Variants in TTC8 observed in about 807,000 individuals in gnomAD.
The protein encoded by TTC8 is tetratricopeptide repeat domain 8.
A neutral mutation model predicts 72.5 loss-of-function variants in TTC8; 47 were observed. The ratio of observed to expected loss-of-function variants is 0.65; its 90% CI spans 0.51 to 0.83. The LOEUF is 0.83. TTC8 is among the 40% of genes least tolerant of loss of function. The pLI is 0.00. For missense variants in TTC8, 611 were observed against 623.2 expected (o/e 0.98, Z 0.21); for synonymous variants, 199 against 221.4 (o/e 0.90, Z 0.90).
Position 88,871,476 on chromosome 14 carries a change from A to AATATAT in TTC8, c.1050-64_1050-59dup, listed in dbSNP as rs10659725. 3 of 1,276,126 alleles carry AATATAT rather than the reference A, an allele frequency of 2.4e-6. No individual in the cohort carries two copies. In the African/African-American group the frequency reaches 4.6e-5, roughly 20 times the overall value. The allele number at this position is 1,276,126 out of a possible 1,614,324, so 79.1% of individuals were successfully genotyped here. A position where few individuals can be genotyped will look rare whatever the true frequency, so the allele number is the denominator to read the frequency against. ...GATGAATTCATTTTTAACTGTGTAA[A>AATATAT]ATATATATATATATGTCTTAAAACT... On this transcript the variant is annotated intron_variant, in intron 11 of 14. Transcript: ENST00000380656. The surrounding 1 kb of genome is among the most constrained non-coding windows in gnomAD (Gnocchi z 4.1).
chr14:88,825,585 C>CA (rs2094695727), intron 1 of TTC8, among the ~76,000 whole-genome samples: 1 of 151,960 alleles, frequency 6.6e-6, no homozygotes. Context: ...CTGGAATAGG[C>CA]AAAAAAGGAG....
At chr14:88,836,106 C>T (rs936240729) in intron 2 of TTC8, among the ~76,000 whole-genome samples, 1 of 152,024 alleles carries the variant, frequency 6.6e-6, no homozygotes, top group Non-Finnish European at 1.5e-5. Context: ...AAATTCATAC[C>T]ATTGTTTCTT....
In TTC8 at chr14:88,836,442, G is replaced by A. The variant is rs573022482; in HGVS notation, c.144+2720G>A. The stretch of plus-strand genomic sequence containing the variant: ...GGATCACCTGAATTCTGGAGGTTGA[G>A]GCTGCACCACTACATTCCAGCCTGG... On this transcript the variant is annotated intron_variant, in intron 2 of 14. Coordinates refer to ENST00000380656, the MANE Select transcript of TTC8 (RefSeq NM_144596.4). Among the ~76,000 whole-genome samples, 172 of 151,204 alleles carry A rather than the reference G, an allele frequency of 1.1e-3. 1 individual carries two copies. The highest frequency in any genetic ancestry group is 4.0e-3 in the African/African-American group (165 of 41,162).
At position 88,849,984 on chromosome 14, in the gene TTC8, T is replaced by A. The variant is rs78231100; in HGVS notation, c.625-2987T>A. ...ACAACAGTGAAAGGATGACTTTTTT[T>A]AAACTTAGATCTGCCAAAATTCCTC... On this transcript the variant is annotated intron_variant, in intron 7 of 14. Transcript: ENST00000380656. Among the ~76,000 whole-genome samples the A allele has an allele frequency of 9.9e-3, 1,509 of 152,260 alleles. 28 individuals are homozygous for A. The highest frequency in any genetic ancestry group is 0.034 in the African/African-American group (1,414 of 41,542).
downstream of TTC8, chr14:88,878,204 C>T (rs895162457): frequency 6.6e-6 from 1 of 152,122 alleles, no homozygotes; most frequent in Non-Finnish European, 1.5e-5. Flanking sequence ...CCAGGAGTCC[C>T]ACTTCTGGTC....
chr14:88,834,022 A>T (rs2094738623), intron 2 of TTC8: 1 of 413,082 alleles, frequency 2.4e-6, no homozygotes. Flanking sequence ...GGTGAGGGGA[A>T]CCAAGGGCTT....
intron 7 of TTC8, among the ~76,000 whole-genome samples, chr14:88,852,204 T>C (rs1258758751): frequency 6.6e-6 from 1 of 152,188 alleles, no homozygotes; most frequent in Non-Finnish European, 1.5e-5. Context: ...GCTTTCCCTT[T>C]GTCAAAAATG....
At chr14:88,859,721 G>A (rs973836570) in intron 9 of TTC8, among the ~76,000 whole-genome samples, 23 of 150,924 alleles carry the variant, frequency 1.5e-4, no homozygotes, top group African/African-American at 1.9e-4. Flanking sequence ...CCTGGAGTTC[G>A]AGACCAGCCT....
At chr14:88,862,772 G>A (rs1334949714) in intron 10 of TTC8, among the ~76,000 whole-genome samples, 1 of 148,602 alleles carries the variant, frequency 6.7e-6, no homozygotes, top group Non-Finnish European at 1.5e-5. Context: ...TGCAGAAATG[G>A]GATCTTACTT....
At position 88,871,457 on chromosome 14, in the gene TTC8, T is replaced by C; in HGVS notation, c.1050-92T>C. 1.7e-6 allele frequency: 2 copies of C among 1,147,746 alleles called. No homozygotes were observed. The highest frequency in any genetic ancestry group is 1.3e-6 in the Non-Finnish European group (1 of 797,804). 71.1% of individuals were successfully genotyped at this position (1,147,746 alleles called of 1,614,324 possible). A position where few individuals can be genotyped will look rare whatever the true frequency, so the allele number is the denominator to read the frequency against. Reference sequence around the variant, plus strand: ...GGAGTATCAAAAATCACAAGATGAATTCATTTTTAACTGTGTAAAATATAT... The same window carrying C: ...GGAGTATCAAAAATCACAAGATGAACTCATTTTTAACTGTGTAAAATATAT... On this transcript the variant is annotated intron_variant, in intron 11 of 14. Coordinates refer to ENST00000380656, the MANE Select transcript of TTC8 (RefSeq NM_144596.4). This position sits in a 1 kb window ranked among gnomAD's most constrained non-coding sequence, Gnocchi z 4.1.
In TTC8 at chr14:88,826,643, G is replaced by A. The variant is rs552094239; in HGVS notation, c.114+1822G>A. Among the ~76,000 whole-genome samples, 20 of 152,240 alleles carry A rather than the reference G, an allele frequency of 1.3e-4. No homozygotes were observed. The South Asian group carries it at 4.1e-3, about 32-fold the overall frequency. On this transcript the variant is annotated intron_variant, in intron 1 of 14. Coordinates refer to ENST00000380656, the MANE Select transcript of TTC8 (RefSeq NM_144596.4). ...GGCGTGAACCCGGAAGGCGGAGCTTGCAGTGAGCGGAGATCGCACCACTGC... is the reference window on the plus strand; with the variant it reads ...GGCGTGAACCCGGAAGGCGGAGCTTACAGTGAGCGGAGATCGCACCACTGC...
chr14:88,861,194 C>A, intron 9 of TTC8, 28 bp from the exon 10 acceptor site: 1 of 1,466,018 alleles, frequency 6.8e-7, no homozygotes. Context: ...AGAACCTATA[C>A]TTTTATTGAA....
chr14:88,870,005 A>G, intron 10 of TTC8, 54 bp from the exon 11 acceptor site: 1 of 1,591,726 alleles, frequency 6.3e-7, no homozygotes, highest in Non-Finnish European at 8.6e-7. Flanking sequence ...AGAAAAAAAT[A>G]ATTTTTTGTC....
chr14:88,834,945 T>C (rs1399432231), intron 2 of TTC8, among the ~76,000 whole-genome samples: 1 of 152,212 alleles, frequency 6.6e-6, no homozygotes, highest in African/African-American at 2.4e-5. Flanking sequence ...AATTATTCAC[T>C]GGATAATGAT....
upstream of TTC8, chr14:88,824,640 G>T (rs941398980): frequency 3.7e-6 from 5 of 1,362,654 alleles, no homozygotes; most frequent in South Asian, 1.2e-5. Context: ...GTCGGACGCC[G>T]CCAGCTCTTC....
chr14:88,851,813 C>T (rs1311141844), intron 7 of TTC8, among the ~76,000 whole-genome samples: 2 of 96,042 alleles, frequency 2.1e-5, no homozygotes, highest in African/African-American at 5.9e-5. Flanking sequence ...AGAGGCTCAG[C>T]ATGGTGTCAC....
chr14:88,873,505 A>C (rs2094944021), intron 13 of TTC8, among the ~76,000 whole-genome samples: 1 of 152,216 alleles, frequency 6.6e-6, no homozygotes, highest in South Asian at 2.1e-4. Context: ...AAGAGTGACC[A>C]TATCTGTCAT....
chr14:88,838,387 T>C lies in TTC8; in HGVS notation c.145-1065T>C, dbSNP rs146705494. Among the ~76,000 whole-genome samples, 602 of 152,262 alleles carry C rather than the reference T, an allele frequency of 4.0e-3. 4 individuals carry two copies. Among genetic ancestry groups the C allele is most frequent in the Non-Finnish European group, 6.1e-3 (417 of 68,022 alleles). On this transcript the variant is annotated intron_variant, in intron 2 of 14. Coordinates refer to ENST00000380656, the MANE Select transcript of TTC8 (RefSeq NM_144596.4). ...CTGAATGCATCTTGAGTTCTTTACG[T>C]GGGGACTTTCTGGACCTCCTGTAGC...
intron 6 of TTC8, 146 bp downstream of exon 6, chr14:88,841,660 C>T (rs987945307): frequency 2.7e-6 from 2 of 739,650 alleles, no homozygotes; most frequent in African/African-American, 3.5e-5. Context: ...TACTCTTAGT[C>T]TTTGAGTTAA....
Sources: gnomAD v4.1 joint callset for allele counts (sites outside exome capture counted in the v4.1 genomes callset) on GRCh38, gnomAD v4.1.1 for gene constraint, Gnocchi (gnomAD v3.1) non-coding constraint, MANE v1.5 for transcripts, NCBI Gene and HGNC (gene_info 2026-07-23, HGNC 2026-07-21) for gene names.